The following NAA60 variants were observed in gnomAD, a reference collection of about 807,000 sequenced individuals.
NAA60 encodes N-alpha-acetyltransferase 60, NatF catalytic subunit.
In NAA60, 8 loss-of-function variants were observed where a neutral mutation model predicts 26.1. The observed-to-expected ratio is 0.31, with a 90% CI of 0.18 to 0.55. The LOEUF (loss-of-function observed/expected upper bound fraction) is 0.55. Among genes scored for constraint, NAA60 ranks in the 20% least tolerant of loss-of-function variants. NAA60 has a pLI of 0.93. For synonymous variants in NAA60, 131 were observed against 122.5 expected (o/e 1.07, Z -0.46); for missense variants, 290 against 311.3 (o/e 0.93, Z 0.51).
chr16:3,466,401 A>T (rs1291680171), intron 2 of NAA60, among the ~76,000 whole-genome samples: 1 of 152,228 alleles, frequency 6.6e-6, no homozygotes, highest in Non-Finnish European at 1.5e-5. Context: ...GATGCTGAGG[A>T]GATGGCTTGC....
At chr16:3,451,784 G>T (rs1234217100) in intron 2 of NAA60, among the ~76,000 whole-genome samples, 3 of 151,910 alleles carry the variant, frequency 2.0e-5, no homozygotes, top group Non-Finnish European at 4.4e-5. Context: ...GAGGCTTGGT[G>T]GTAGGCGCCT....
intron 2 of NAA60, among the ~76,000 whole-genome samples, chr16:3,475,147 T>G (rs1041876420): frequency 2.7e-5 from 4 of 148,686 alleles, no homozygotes; most frequent in Admixed American, 6.8e-5. Context: ...TGGAGTGCAG[T>G]GGCGCAGTCT....
chr16:3,449,859 A>T (rs999904190), intron 2 of NAA60: 15 of 377,260 alleles, frequency 4.0e-5, no homozygotes, highest in Admixed American at 9.1e-5. Context: ...TCCCTGCACA[A>T]GCCCTCTTTT....
intron 2 of NAA60, among the ~76,000 whole-genome samples, chr16:3,460,127 G>A (rs1166889382): frequency 6.6e-6 from 1 of 152,176 alleles, no homozygotes; most frequent in Non-Finnish European, 1.5e-5. Context: ...CAGAGAAGAG[G>A]CTTCAGCCCT....
chr16:3,465,371 GTTCTGTCC>G (rs148280220), intron 2 of NAA60, among the ~76,000 whole-genome samples: 9,158 of 152,140 alleles, frequency 0.06, 358 homozygotes, highest in Middle Eastern at 0.086. Context: ...CCGGTTTAGC[GTTCTGTCC>G]TTCTCTTGGG....
At chr16:3,480,689 G>A (rs2036775906) in intron 4 of NAA60, among the ~76,000 whole-genome samples, 1 of 151,870 alleles carries the variant, frequency 6.6e-6, no homozygotes. Context: ...CAGATCACGA[G>A]GTCAGGAGTT....
At chr16:3,447,245 CAA>C (rs1029936405) in intron 1 of NAA60, among the ~76,000 whole-genome samples, 5 of 152,140 alleles carry the variant, frequency 3.3e-5, no homozygotes, top group Admixed American at 2.0e-4. Context: ...GGTTATGAAA[CAA>C]AAACAATAAC....
intron 2 of NAA60, among the ~76,000 whole-genome samples, chr16:3,457,283 C>CA (rs1023524573): frequency 6.6e-5 from 10 of 150,662 alleles, no homozygotes; most frequent in Non-Finnish European, 1.2e-4. Flanking sequence ...CCCATCCCTA[C>CA]AAAAAAACAA....
chr16:3,477,538 C>T lies in NAA60; in HGVS notation c.110+1201C>T, dbSNP rs1045592954. 2.0e-5 allele frequency among the ~76,000 whole-genome samples: 3 copies of T among 151,380 alleles called. No homozygotes were observed. In the Admixed American group the frequency reaches 2.0e-4, roughly 10 times the overall value. Reference sequence around the variant, plus strand: ...GTTCTTGGCTGGGCGCAGTGGCTCACGCCTGTAATCCCAGCACTTTGGGAG... The same window carrying T: ...GTTCTTGGCTGGGCGCAGTGGCTCATGCCTGTAATCCCAGCACTTTGGGAG... On this transcript the variant is annotated intron_variant, in intron 3 of 7. Coordinates refer to ENST00000407558, the MANE Select transcript of NAA60 (RefSeq NM_001083601.3).
At chr16:3,453,417 AT>A (rs199921159) in intron 2 of NAA60, among the ~76,000 whole-genome samples, 7 of 149,506 alleles carry the variant, frequency 4.7e-5, no homozygotes, top group Non-Finnish European at 8.9e-5. Flanking sequence ...ATGAAAAAAA[AT>A]TTTTTTTTTT....
At chr16:3,462,312 A>G (rs1284643393) in intron 2 of NAA60, among the ~76,000 whole-genome samples, 1 of 152,152 alleles carries the variant, frequency 6.6e-6, no homozygotes, top group Non-Finnish European at 1.5e-5. Context: ...TAGGTACCAA[A>G]AAGGGCTCTT....
At chr16:3,463,987 A>G (rs1252241834) in intron 2 of NAA60, among the ~76,000 whole-genome samples, 1 of 152,256 alleles carries the variant, frequency 6.6e-6, no homozygotes, top group Admixed American at 6.5e-5. Context: ...GTCTGCTGCA[A>G]TTGCTGGGGC....
In NAA60 at chr16:3,448,546, T is replaced by TC. The variant is rs2039325256; in HGVS notation, c.-7+7dup. ...TGGGAGAAGAGCTCCAGAGAGTGAGTCAAAGCGCTCTGTGTCCTGCTATTA... is the reference window on the plus strand; with the variant it reads ...TGGGAGAAGAGCTCCAGAGAGTGAGTCCAAAGCGCTCTGTGTCCTGCTATTA... On this transcript the variant is annotated splice_region_variant and intron_variant, in intron 2 of 7. Transcript: ENST00000407558. 1 of 1,534,752 alleles carries TC rather than the reference T, an allele frequency of 6.5e-7. No homozygotes were observed. Among genetic ancestry groups the TC allele is most frequent in the African/African-American group, 1.4e-5 (1 of 72,936 alleles).
chr16:3,458,056 G>A, intron 2 of NAA60: 1 of 985,266 alleles, frequency 1.0e-6, no homozygotes, highest in Non-Finnish European at 1.2e-6. Context: ...CCTCCGTCCC[G>A]GCTGCGGCCC....
chr16:3,449,964 T>C, intron 2 of NAA60: 1 of 398,480 alleles, frequency 2.5e-6, no homozygotes, highest in Non-Finnish European at 4.4e-6. Flanking sequence ...ACCTCTTTTT[T>C]TTGTAAATTG....
chr16:3,457,179 C>T (rs983638181), intron 2 of NAA60, among the ~76,000 whole-genome samples: 1 of 152,294 alleles, frequency 6.6e-6, no homozygotes, highest in South Asian at 2.1e-4. Flanking sequence ...GTCGTGGTGG[C>T]TCACGTCAGT....
At chr16:3,478,064 A>AAATAATAAT (rs60478448) in intron 3 of NAA60, among the ~76,000 whole-genome samples, 3,511 of 137,212 alleles carry the variant, frequency 0.026, 128 homozygotes, top group African/African-American at 0.08. Context: ...CTCTGTCTCA[A>AAATAATAAT]AATAATAATA....
intron 1 of NAA60, among the ~76,000 whole-genome samples, chr16:3,448,242 C>G (rs1206409586): frequency 6.8e-6 from 1 of 146,846 alleles, no homozygotes; most frequent in African/African-American, 2.5e-5. Flanking sequence ...CCACTGCACT[C>G]CAGCTTGGAT....
At chr16:3,462,963 T>A (rs2035507430) in intron 2 of NAA60, among the ~76,000 whole-genome samples, 2 of 152,226 alleles carry the variant, frequency 1.3e-5, no homozygotes, top group African/African-American at 4.8e-5. Flanking sequence ...TTAGATTTTA[T>A]ATAGCCACGC....
Sources: allele counts gnomAD v4.1 joint callset (sites outside exome capture counted in the v4.1 genomes callset), GRCh38; gene constraint gnomAD v4.1.1; transcripts MANE v1.5; gene names NCBI Gene and HGNC (gene_info 2026-07-23, HGNC 2026-07-21).